DLG2: variants seen among roughly 807,000 people sequenced by gnomAD.
DLG2 encodes the protein disks large homolog 2.
In DLG2, 45 loss-of-function variants were observed where a neutral mutation model predicts 132.5. That is an observed-to-expected ratio of 0.34 (90% CI 0.27 to 0.44). The LOEUF (loss-of-function observed/expected upper bound fraction) is 0.44, where lower values mean the gene tolerates loss of function less well. Ranked by LOEUF, DLG2 falls within the 20% of genes least tolerant of loss-of-function variation. The pLI is 1.00. For missense variants in DLG2, 1,045 were observed against 1,196.9 expected, an observed-to-expected ratio of 0.87 and a Z score of 1.87; for synonymous variants, 424 against 419.6, an observed-to-expected ratio of 1.01 and a Z score of -0.13.
chr11:83,754,839 G>T (rs1336437613), intron 18 of DLG2, among the ~76,000 whole-genome samples: 2 of 151,386 alleles, frequency 1.3e-5, no homozygotes, highest in Non-Finnish European at 2.9e-5. Context: ...TATGGCCCAG[G>T]ATGAAAAATA....
At chr11:83,653,757 C>T (rs1369524192) in intron 18 of DLG2, among the ~76,000 whole-genome samples, 1 of 152,050 alleles carries the variant, frequency 6.6e-6, no homozygotes, top group East Asian at 1.9e-4. Context: ...GAGTCTTGCT[C>T]TGTTGCCAAG....
chr11:84,811,182 T>C (rs1458546424), intron 6 of DLG2, among the ~76,000 whole-genome samples: 1 of 152,164 alleles, frequency 6.6e-6, no homozygotes, highest in African/African-American at 2.4e-5. Flanking sequence ...TAAAATTTCC[T>C]TCCCTGTCAT....
chr11:83,615,964 G>T (rs944083002), intron 19 of DLG2, among the ~76,000 whole-genome samples: 2 of 152,114 alleles, frequency 1.3e-5, no homozygotes, highest in Admixed American at 6.5e-5. Flanking sequence ...AATTTGTGGT[G>T]ATTTGTTTCT....
At chr11:85,530,231 G>C (rs2075103054) in intron 3 of DLG2, among the ~76,000 whole-genome samples, 1 of 151,706 alleles carries the variant, frequency 6.6e-6, no homozygotes, top group African/African-American at 2.4e-5. Flanking sequence ...CCCGACCTCA[G>C]GTTATCTGCC....
rs565718893 is a variant in DLG2, at chr11:85,426,571, T to C, written c.41-141206A>G. On this transcript the variant is annotated intron_variant, in intron 3 of 27. Transcript: ENST00000376104. ...ACAGACCTGCAGCTGAGGGTCCTGA[T>C]TGTTAGAAGGAAAACTAACAAACAG... 2.5e-3 allele frequency among the ~76,000 whole-genome samples: 325 copies of C among 132,614 alleles called. 1 individual carries two copies. The highest frequency in any genetic ancestry group is 2.0e-3 in the Non-Finnish European group (129 of 64,322). 87.0% of individuals were successfully genotyped at this position (132,614 alleles called of 152,430 possible). A position where few individuals can be genotyped will look rare whatever the true frequency, so the allele number is the denominator to read the frequency against.
chr11:85,393,975 G>A (rs569230154), intron 3 of DLG2, among the ~76,000 whole-genome samples: 1 of 152,158 alleles, frequency 6.6e-6, no homozygotes, highest in South Asian at 2.1e-4. Context: ...CTCAGGGGAT[G>A]GGTGCACCAA....
chr11:83,963,492 T>A (rs2089404851), intron 13 of DLG2, among the ~76,000 whole-genome samples: 1 of 151,956 alleles, frequency 6.6e-6, no homozygotes, highest in South Asian at 2.1e-4. Context: ...AACTCTGGCC[T>A]TTCTTTTTCA....
At chr11:84,595,969 G>A (rs1448171204) in intron 6 of DLG2, among the ~76,000 whole-genome samples, 1 of 152,020 alleles carries the variant, frequency 6.6e-6, no homozygotes, top group Non-Finnish European at 1.5e-5. Flanking sequence ...GCATCTTAAA[G>A]GTAAGAGCTA....
chr11:83,791,265 G>T, intron 17 of DLG2: 2 of 668,328 alleles, frequency 3.0e-6, no homozygotes, highest in South Asian at 1.8e-5. Context: ...AGGAGAAGGT[G>T]TCCTCATCGG....
chr11:84,511,300 T>G (rs1167232583), intron 7 of DLG2, among the ~76,000 whole-genome samples: 3 of 152,130 alleles, frequency 2.0e-5, no homozygotes, highest in African/African-American at 7.2e-5. Context: ...AATATAGGAC[T>G]AATCAAATAT....
At chr11:84,495,820 C>T (rs2099181358) in intron 7 of DLG2, among the ~76,000 whole-genome samples, 2 of 152,218 alleles carry the variant, frequency 1.3e-5, no homozygotes, top group South Asian at 4.1e-4. Context: ...AAATGTGGTA[C>T]ACAATAGGTG....
At chr11:85,485,730 C>A (rs1418826109) in intron 3 of DLG2, among the ~76,000 whole-genome samples, 3 of 152,162 alleles carry the variant, frequency 2.0e-5, no homozygotes, top group Non-Finnish European at 2.9e-5. Context: ...GGCCCACAGA[C>A]CTTTGGCCTG....
chr11:84,351,202 T>C (rs1228083211), intron 7 of DLG2, among the ~76,000 whole-genome samples: 1 of 152,170 alleles, frequency 6.6e-6, no homozygotes, highest in African/African-American at 2.4e-5. Flanking sequence ...TTTCATTTGA[T>C]TCCAAAATTA....
chr11:85,125,135 G>T (rs546379450), intron 5 of DLG2, among the ~76,000 whole-genome samples: 1 of 152,142 alleles, frequency 6.6e-6, no homozygotes, highest in South Asian at 2.1e-4. Context: ...CAGCCTGAGC[G>T]CAGTAAATGT....
intron 6 of DLG2, among the ~76,000 whole-genome samples, chr11:84,651,649 G>A (rs2099682198): frequency 6.6e-6 from 1 of 152,166 alleles, no homozygotes; most frequent in Non-Finnish European, 1.5e-5. Flanking sequence ...TATGGCTTTT[G>A]AATTATTATG....
chr11:84,583,325 A>AGAAGATATGTCACTAT (rs1294071192), intron 6 of DLG2, among the ~76,000 whole-genome samples: 10 of 152,208 alleles, frequency 6.6e-5, no homozygotes, highest in Admixed American at 2.6e-4. Context: ...TCACAGATGC[A>AGAAGATATGTCACTAT]GAAGATATGT....
chr11:84,934,515 G>GTTTTT (rs2048482997), intron 6 of DLG2, among the ~76,000 whole-genome samples: 1 of 40,476 alleles, frequency 2.5e-5, no homozygotes, highest in Non-Finnish European at 4.3e-5. Flanking sequence ...TTTTTTTTTT[G>GTTTTT]TTTTGTTTTG....
intron 6 of DLG2, among the ~76,000 whole-genome samples, chr11:84,561,815 T>A (rs945093279): frequency 6.6e-6 from 1 of 152,154 alleles, no homozygotes; most frequent in African/African-American, 2.4e-5. Context: ...TTGTACACAA[T>A]ACATATTAAT....
rs369521588 is a variant in DLG2, at chr11:84,288,954, C to T, written c.520-37663G>A. 6.6e-4 allele frequency among the ~76,000 whole-genome samples: 100 copies of T among 152,154 alleles called. 1 individual carries two copies. The South Asian group carries it at 0.013, about 19-fold the overall frequency. ...GCACAGAAATATGTTTTGTGAACTT[C>T]GCAAGAATTCTTTTTTCATCAGTAA... On this transcript the variant is annotated intron_variant, in intron 7 of 27. Coordinates refer to ENST00000376104, the MANE Select transcript of DLG2 (RefSeq NM_001142699.3).
Sources: gnomAD v4.1 joint callset for allele counts (sites outside exome capture counted in the v4.1 genomes callset) on GRCh38, gnomAD v4.1.1 for gene constraint, MANE v1.5 for transcripts, NCBI Gene and HGNC (gene_info 2026-07-23, HGNC 2026-07-21) for gene names.